Variants in KIAA1328 observed in about 807,000 individuals in gnomAD.
KIAA1328 encodes protein hinderin.
KIAA1328 carries 52 observed loss-of-function variants against 68.1 expected under a neutral mutation model. The observed-to-expected ratio is 0.76, with a 90% confidence interval of 0.61 to 0.96. KIAA1328 has a LOEUF of 0.96. KIAA1328 is among the 40% of genes least tolerant of loss of function. The pLI is 0.00. For missense variants in KIAA1328, 641 were observed against 677.6 expected (o/e 0.95, Z 0.60); for synonymous variants, 232 against 239.4 (o/e 0.97, Z 0.28).
At chr18:36,894,370 G>C (rs1297527125) in intron 5 of KIAA1328, among the ~76,000 whole-genome samples, 2 of 152,088 alleles carry the variant, frequency 1.3e-5, no homozygotes, top group African/African-American at 4.8e-5. Flanking sequence ...TCTCCATTCA[G>C]TCACCAGGTC....
intron 5 of KIAA1328, among the ~76,000 whole-genome samples, chr18:36,947,074 G>C: frequency 6.6e-6 from 1 of 152,166 alleles, no homozygotes; most frequent in Non-Finnish European, 1.5e-5. Context: ...TGAAGCAGGA[G>C]AATCGCTTGA....
At position 36,941,196 on chromosome 18, in the gene KIAA1328, A is replaced by G. The variant is rs548381863; in HGVS notation, c.449-18112A>G. Among the ~76,000 whole-genome samples the G allele has an allele frequency of 6.6e-5, 10 of 152,256 alleles. No individual in the cohort carries two copies. In the East Asian group the frequency reaches 9.6e-4, roughly 15 times the overall value. ...CAGATTTCAATATATATACTTTAACATATTTAAAAATATGTATACCCACAC... is the reference window on the plus strand; with the variant it reads ...CAGATTTCAATATATATACTTTAACGTATTTAAAAATATGTATACCCACAC... On this transcript the variant is annotated intron_variant, in intron 5 of 9. Coordinates refer to ENST00000280020, the MANE Select transcript of KIAA1328 (RefSeq NM_020776.3).
chr18:37,065,476 C>G (rs2056308840), intron 6 of KIAA1328, among the ~76,000 whole-genome samples: 1 of 152,186 alleles, frequency 6.6e-6, no homozygotes, highest in Non-Finnish European at 1.5e-5. Flanking sequence ...ACTCTGGCTG[C>G]TCAAAAGAAA....
intron 7 of KIAA1328, among the ~76,000 whole-genome samples, chr18:37,100,509 A>G (rs1419423732): frequency 6.6e-6 from 1 of 152,212 alleles, no homozygotes; most frequent in Non-Finnish European, 1.5e-5. Context: ...GAGTAGGTAA[A>G]CAAAGCGGCC....
intron 7 of KIAA1328, among the ~76,000 whole-genome samples, chr18:37,085,479 T>C (rs1223696454): frequency 1.3e-5 from 2 of 152,186 alleles, no homozygotes; most frequent in Non-Finnish European, 2.9e-5. Flanking sequence ...CTTAAAAAGG[T>C]ATTTTTTTAG....
intron 4 of KIAA1328, among the ~76,000 whole-genome samples, chr18:36,865,335 C>A (rs2047713669): frequency 6.6e-6 from 1 of 151,888 alleles, no homozygotes; most frequent in Non-Finnish European, 1.5e-5. Context: ...AAGAACCATG[C>A]CATATAATTT....
intron 6 of KIAA1328, among the ~76,000 whole-genome samples, chr18:36,974,283 AT>A (rs979692502): frequency 3.9e-5 from 6 of 152,256 alleles, no homozygotes; most frequent in African/African-American, 1.4e-4. Flanking sequence ...TGTACATTAT[AT>A]TCATTGAGTA....
At chr18:37,115,368 A>G (rs2058074377) in intron 7 of KIAA1328, among the ~76,000 whole-genome samples, 1 of 152,200 alleles carries the variant, frequency 6.6e-6, no homozygotes, top group East Asian at 1.9e-4. Flanking sequence ...ACATACACAA[A>G]TCAATAAACG....
intron 7 of KIAA1328, among the ~76,000 whole-genome samples, chr18:37,083,365 A>G (rs1325166918): frequency 6.6e-6 from 1 of 152,234 alleles, no homozygotes; most frequent in Non-Finnish European, 1.5e-5. Flanking sequence ...TCTTTTGACA[A>G]TGATGAAAAT....
At chr18:36,832,656 G>A (rs1189969424) in intron 1 of KIAA1328, 7 of 149,440 alleles carry the variant, frequency 4.7e-5, no homozygotes, top group Non-Finnish European at 3.0e-5. Context: ...TAAGGTTGTT[G>A]GACAACACCT....
At chr18:37,107,538 C>T (rs2057807143) in intron 7 of KIAA1328, among the ~76,000 whole-genome samples, 1 of 152,130 alleles carries the variant, frequency 6.6e-6, no homozygotes, top group Admixed American at 6.6e-5. Context: ...TTTCCTTCAC[C>T]AGTGTTTTGT....
intron 7 of KIAA1328, among the ~76,000 whole-genome samples, chr18:37,077,544 TC>T (rs1480506282): frequency 2.0e-5 from 3 of 151,872 alleles, no homozygotes; most frequent in African/African-American, 7.3e-5. Context: ...AGTCAAATTG[TC>T]CCTGTTTGCA....
chr18:36,924,931 C>A (rs1288693758), intron 5 of KIAA1328: 1 of 152,150 alleles, frequency 6.6e-6, no homozygotes, highest in Middle Eastern at 3.2e-3. Context: ...TGGGACCTTT[C>A]AGAAGTGTAG....
At chr18:37,029,376 T>G (rs1255529476) in intron 6 of KIAA1328, among the ~76,000 whole-genome samples, 2 of 152,010 alleles carry the variant, frequency 1.3e-5, no homozygotes, top group African/African-American at 4.8e-5. Flanking sequence ...CATTTCTGAT[T>G]GTACTTATTA....
chr18:36,865,210 A>G (rs2047709538), intron 4 of KIAA1328, among the ~76,000 whole-genome samples: 1 of 150,234 alleles, frequency 6.7e-6, no homozygotes, highest in Non-Finnish European at 1.5e-5. Context: ...ACTGTACCCT[A>G]CCTATTTTAA....
chr18:37,013,991 TC>T (rs2151499435), intron 6 of KIAA1328, among the ~76,000 whole-genome samples: 1 of 152,346 alleles, frequency 6.6e-6, no homozygotes, highest in South Asian at 2.1e-4. Flanking sequence ...TTTCTCCGCA[TC>T]CTCGCCAGCA....
chr18:37,174,932 A>G (rs1188981199), intron 9 of KIAA1328, among the ~76,000 whole-genome samples: 2 of 152,094 alleles, frequency 1.3e-5, no homozygotes, highest in African/African-American at 4.8e-5. Flanking sequence ...TGGCCTCCCA[A>G]AGTGCTGGGA....
chr18:36,983,651 A>G (rs749940909), intron 6 of KIAA1328, among the ~76,000 whole-genome samples: 1 of 152,130 alleles, frequency 6.6e-6, no homozygotes, highest in Non-Finnish European at 1.5e-5. Context: ...TCACAAAGAA[A>G]ACTCAAAGCC....
intron 7 of KIAA1328, among the ~76,000 whole-genome samples, chr18:37,136,705 G>A (rs1221397988): frequency 6.6e-6 from 1 of 152,188 alleles, no homozygotes; most frequent in African/African-American, 2.4e-5. Context: ...TTCGTACTTT[G>A]GTTTATACCT....
Sources: allele counts gnomAD v4.1 joint callset (sites outside exome capture counted in the v4.1 genomes callset), GRCh38; gene constraint gnomAD v4.1.1; transcripts MANE v1.5; gene names NCBI Gene and HGNC (gene_info 2026-07-23, HGNC 2026-07-21).